Variants in THSD7B observed in about 807,000 individuals in gnomAD.
THSD7B encodes the protein thrombospondin type 1 domain containing 7B, also known as thrombospondin type-1 domain-containing protein 7B.
In THSD7B, 138 loss-of-function variants were observed where a neutral mutation model predicts 213.6. The observed-to-expected ratio is 0.65, with a 90% CI of 0.56 to 0.74. The LOEUF (loss-of-function observed/expected upper bound fraction) is 0.74, where lower values mean the gene tolerates loss of function less well. THSD7B is among the 30% of genes least tolerant of loss of function. The probability of loss-of-function intolerance (pLI) is 0.00; values close to 1 mark genes in which losing one functional copy is unlikely to be tolerated. For missense variants in THSD7B, 1,931 were observed against 1,991.5 expected (o/e 0.97, Z 0.58); for synonymous variants, 742 against 687.0 (o/e 1.08, Z -1.25).
At chr2:136,904,479 C>G (rs1684121916) in intron 2 of THSD7B, among the ~76,000 whole-genome samples, 2 of 152,206 alleles carry the variant, frequency 1.3e-5, no homozygotes, top group Non-Finnish European at 2.9e-5. Flanking sequence ...GGGGCATGTT[C>G]TGGTAGGGCT....
At chr2:137,349,377 A>G (rs1180087436) in intron 12 of THSD7B, among the ~76,000 whole-genome samples, 2 of 151,832 alleles carry the variant, frequency 1.3e-5, no homozygotes, top group Admixed American at 1.3e-4. Flanking sequence ...CCAGCTGATT[A>G]AAGCCAGCTG....
At chr2:137,649,456 A>G (rs1471704733) in intron 21 of THSD7B, among the ~76,000 whole-genome samples, 1 of 152,116 alleles carries the variant, frequency 6.6e-6, no homozygotes, top group African/African-American at 2.4e-5. Flanking sequence ...ATTTTCTTGT[A>G]TGTTGAAAGG....
intron 1 of THSD7B, among the ~76,000 whole-genome samples, chr2:136,881,829 A>G (rs536741949): frequency 6.6e-6 from 1 of 152,270 alleles, no homozygotes; most frequent in East Asian, 1.9e-4. Context: ...CCATGATAAT[A>G]TTATCACGTT....
intron 2 of THSD7B, among the ~76,000 whole-genome samples, chr2:136,957,448 T>C (rs899127990): frequency 4.6e-5 from 7 of 152,000 alleles, no homozygotes; most frequent in Non-Finnish European, 1.0e-4. Flanking sequence ...TTTTTTTTTT[T>C]TTTTCTTGCT....
chr2:137,357,173 G>A (rs1359294843), intron 12 of THSD7B, among the ~76,000 whole-genome samples: 1 of 151,992 alleles, frequency 6.6e-6, no homozygotes, highest in African/African-American at 2.4e-5. Flanking sequence ...GATTTTGGTG[G>A]GTACCAAGGA....
chr2:137,311,800 G>T (rs558335051), intron 12 of THSD7B, among the ~76,000 whole-genome samples: 47 of 150,026 alleles, frequency 3.1e-4, no homozygotes, highest in African/African-American at 1.1e-3. Context: ...TTATATGCTG[G>T]ATTACATTTA....
chr2:137,483,928 A>T (rs944224114), intron 15 of THSD7B, among the ~76,000 whole-genome samples: 1 of 152,134 alleles, frequency 6.6e-6, no homozygotes, highest in Non-Finnish European at 1.5e-5. Flanking sequence ...GGCTGGTAGG[A>T]TGCTAACATC....
At chr2:136,949,412 T>G (rs1684996506) in intron 2 of THSD7B, among the ~76,000 whole-genome samples, 1 of 152,242 alleles carries the variant, frequency 6.6e-6, no homozygotes, top group Non-Finnish European at 1.5e-5. Context: ...AAACTCCAGA[T>G]GAAATGCATT....
intron 12 of THSD7B, among the ~76,000 whole-genome samples, chr2:137,297,485 A>T (rs1299023469): frequency 1.3e-5 from 2 of 151,908 alleles, no homozygotes; most frequent in Non-Finnish European, 2.9e-5. Context: ...CAGATATCTA[A>T]AAAGGAGTAA....
At chr2:136,988,135 T>A (rs995127230) in intron 2 of THSD7B, among the ~76,000 whole-genome samples, 1 of 152,210 alleles carries the variant, frequency 6.6e-6, no homozygotes, top group African/African-American at 2.4e-5. Flanking sequence ...ATTCTTGGTG[T>A]CCTTTTACAG....
intron 3 of THSD7B, among the ~76,000 whole-genome samples, chr2:137,086,546 C>T (rs1364822747): frequency 6.6e-6 from 1 of 152,154 alleles, no homozygotes; most frequent in African/African-American, 2.4e-5. Context: ...AGAATCATTT[C>T]CCCTTCACAA....
intron 12 of THSD7B, among the ~76,000 whole-genome samples, chr2:137,281,659 T>G (rs1342248487): frequency 6.6e-6 from 1 of 150,798 alleles, no homozygotes; most frequent in Non-Finnish European, 1.5e-5. Flanking sequence ...CAGTGTTTGG[T>G]TTTTTGTCCT....
intron 12 of THSD7B, among the ~76,000 whole-genome samples, chr2:137,298,834 G>A (rs376259436): frequency 7.9e-5 from 12 of 152,320 alleles, no homozygotes; most frequent in African/African-American, 2.9e-4. Context: ...GTATGGAAAT[G>A]ACTGGATGCC....
chr2:137,395,982 T>C (rs1686174097), intron 12 of THSD7B, among the ~76,000 whole-genome samples: 1 of 152,194 alleles, frequency 6.6e-6, no homozygotes, highest in Non-Finnish European at 1.5e-5. Flanking sequence ...TGATGGTAGT[T>C]TGTATTTCTG....
chr2:137,623,942 T>C (rs1682571386), intron 20 of THSD7B, among the ~76,000 whole-genome samples: 1 of 152,220 alleles, frequency 6.6e-6, no homozygotes, highest in Non-Finnish European at 1.5e-5. Flanking sequence ...CCTATCAAGC[T>C]ACCAACGACT....
At chr2:137,145,525 T>A (rs1254948032) in intron 5 of THSD7B, among the ~76,000 whole-genome samples, 1 of 152,012 alleles carries the variant, frequency 6.6e-6, no homozygotes, top group Non-Finnish European at 1.5e-5. Context: ...CAAATTGAGT[T>A]CATTATTGTA....
intron 12 of THSD7B, among the ~76,000 whole-genome samples, chr2:137,390,545 T>G (rs922270328): frequency 6.6e-6 from 1 of 152,232 alleles, no homozygotes; most frequent in African/African-American, 2.4e-5. Flanking sequence ...GCCTGATTTC[T>G]CTGGCTAGGA....
chr2:137,226,176 T>C (rs1301717896), intron 7 of THSD7B, among the ~76,000 whole-genome samples: 1 of 151,814 alleles, frequency 6.6e-6, no homozygotes, highest in Non-Finnish European at 1.5e-5. Flanking sequence ...GTATTTTCGA[T>C]AACTGTTTCA....
chr2:136,909,761 A>G (rs748419279), intron 2 of THSD7B, among the ~76,000 whole-genome samples: 5 of 152,244 alleles, frequency 3.3e-5, no homozygotes, highest in Non-Finnish European at 7.3e-5. Context: ...AAATCAGTAC[A>G]ATCCACACGA....
Sources: gnomAD v4.1 joint callset for allele counts (sites outside exome capture counted in the v4.1 genomes callset) on GRCh38, gnomAD v4.1.1 for gene constraint, MANE v1.5 for transcripts, NCBI Gene and HGNC (gene_info 2026-07-23, HGNC 2026-07-21) for gene names.